Variants in DENND6A observed in about 807,000 individuals in gnomAD.
DENND6A encodes protein DENND6A.
A neutral mutation model predicts 95.5 loss-of-function variants in DENND6A; 43 were observed. That is an observed-to-expected ratio of 0.45 (90% CI 0.35 to 0.58). The LOEUF (loss-of-function observed/expected upper bound fraction) is 0.58, where lower values mean the gene tolerates loss of function less well. Ranked by LOEUF, DENND6A falls within the 20% of genes least tolerant of loss-of-function variation. The pLI, the probability that DENND6A is intolerant of heterozygous loss-of-function variation, is 0.00. For synonymous variants in DENND6A, 257 were observed against 260.4 expected, an observed-to-expected ratio of 0.99 and a Z score of 0.13; for missense variants, 574 against 736.0, an observed-to-expected ratio of 0.78 and a Z score of 2.55.
intron 3 of DENND6A, among the ~76,000 whole-genome samples, chr3:57,668,078 A>T (rs967977659): frequency 6.6e-6 from 1 of 152,056 alleles, no homozygotes; most frequent in Non-Finnish European, 1.5e-5. Flanking sequence ...AAAAAAAATT[A>T]GACTTTTATT....
Position 57,627,613 on chromosome 3 carries a change from C to T in DENND6A, c.*601G>A, listed in dbSNP as rs2070560413. 1 of 152,170 alleles carries T rather than the reference C, an allele frequency of 6.6e-6. No homozygotes were observed. The highest frequency in any genetic ancestry group is 6.6e-5 in the Admixed American group (1 of 15,254). The allele number at this position is 152,170 out of a possible 1,614,324, so 9.4% of individuals were successfully genotyped here. A position where few individuals can be genotyped will look rare whatever the true frequency, so the allele number is the denominator to read the frequency against. On this transcript the variant is annotated 3_prime_UTR_variant, in exon 20 of 20. Transcript: ENST00000311128. Reference sequence around the variant, plus strand: ...AACCCATCATGTCTATTAATAAACACAATGGGTAGCAAGAAACTTTTTTTT... The same window carrying T: ...AACCCATCATGTCTATTAATAAACATAATGGGTAGCAAGAAACTTTTTTTT...
chr3:57,643,209 T>C (rs555072533), intron 11 of DENND6A, among the ~76,000 whole-genome samples: 73 of 152,212 alleles, frequency 4.8e-4, no homozygotes, highest in African/African-American at 1.8e-3. Context: ...TAAAATTTAA[T>C]GTGGGGCATG....
chr3:57,628,749 CAT>C lies in DENND6A; in HGVS notation c.1695+60_1695+61del. 5.2e-6 allele frequency: 8 copies of C among 1,529,964 alleles called. No individual in the cohort carries two copies. In the African/African-American group the frequency reaches 6.9e-5, roughly 13 times the overall value. The allele number at this position is 1,529,964 out of a possible 1,614,324, so 94.8% of individuals were successfully genotyped here. A position where few individuals can be genotyped will look rare whatever the true frequency, so the allele number is the denominator to read the frequency against. ...CGAACTATCATGGGTTGTCAGCTCACATGAGAGGACAATGTCTTCAAAGAAAA... is the reference window on the plus strand; with the variant it reads ...CGAACTATCATGGGTTGTCAGCTCACGAGAGGACAATGTCTTCAAAGAAAA... On this transcript the variant is annotated intron_variant, in intron 19 of 19. Coordinates refer to ENST00000311128, the MANE Select transcript of DENND6A (RefSeq NM_152678.3).
intron 15 of DENND6A, among the ~76,000 whole-genome samples, chr3:57,631,867 C>T (rs1197102669): frequency 1.3e-5 from 2 of 149,830 alleles, no homozygotes; most frequent in Admixed American, 6.7e-5. Flanking sequence ...GGATTACAGG[C>T]GCCCACCACC....
intron 18 of DENND6A, among the ~76,000 whole-genome samples, chr3:57,630,188 T>G (rs1450444003): frequency 6.6e-6 from 1 of 152,150 alleles, no homozygotes; most frequent in East Asian, 1.9e-4. Flanking sequence ...GCCAAAAGTT[T>G]CCCATGATGC....
Position 57,693,075 on chromosome 3 carries a change from C to G in DENND6A, c.-57G>C, listed in dbSNP as rs1370521104. ...ACAGCGGACCGCGCCGCAGAGCGCG[C>G]TTGCCTCCGCGCAGGCGCAGACGCT... is the stretch of plus-strand genomic sequence containing the variant. On this transcript the variant is annotated 5_prime_UTR_variant, in exon 1 of 20. Transcript: ENST00000311128. The G allele has an allele frequency of 7.6e-7, 1 of 1,312,206 alleles. No homozygotes were observed. The highest frequency in any genetic ancestry group is 9.7e-7 in the Non-Finnish European group (1 of 1,026,444). The allele number at this position is 1,312,206 out of a possible 1,614,324, so 81.3% of individuals were successfully genotyped here. A position where few individuals can be genotyped will look rare whatever the true frequency, so the allele number is the denominator to read the frequency against.
chr3:57,635,536 A>C (rs2070773214), intron 12 of DENND6A, among the ~76,000 whole-genome samples: 1 of 152,188 alleles, frequency 6.6e-6, no homozygotes, highest in South Asian at 2.1e-4. Flanking sequence ...AAAAGAACCT[A>C]AGAACTGAAA....
intron 3 of DENND6A, among the ~76,000 whole-genome samples, chr3:57,667,547 A>G (rs2071543659): frequency 6.6e-6 from 1 of 152,200 alleles, no homozygotes; most frequent in Non-Finnish European, 1.5e-5. Context: ...TTCAAGAGCC[A>G]GCCCCCTCCC....
At chr3:57,671,694 G>C (rs79021618) in intron 3 of DENND6A, among the ~76,000 whole-genome samples, 1 of 152,160 alleles carries the variant, frequency 6.6e-6, no homozygotes, top group Non-Finnish European at 1.5e-5. Flanking sequence ...GGATGTCAAC[G>C]ATTAGGACCA....
intron 3 of DENND6A, among the ~76,000 whole-genome samples, chr3:57,667,552 C>G (rs2071543748): frequency 6.6e-6 from 1 of 152,104 alleles, no homozygotes; most frequent in African/African-American, 2.4e-5. Context: ...GAGCCAGCCC[C>G]CTCCCTTGAC....
intron 19 of DENND6A, 68 bp downstream of exon 19, chr3:57,628,743 A>G: frequency 6.7e-7 from 1 of 1,491,204 alleles, no homozygotes; most frequent in Non-Finnish European, 9.2e-7. Context: ...ATGGGTTGTC[A>G]GCTCACATGA....
intron 1 of DENND6A, chr3:57,679,422 A>G (rs1304352220): frequency 3.1e-5 from 26 of 835,850 alleles, no homozygotes; most frequent in Non-Finnish European, 3.7e-5. Context: ...TCTTCCTATC[A>G]TCTCTTCTTC....
chr3:57,640,445 TAGC>T (rs2070904094), intron 12 of DENND6A, among the ~76,000 whole-genome samples: 1 of 151,200 alleles, frequency 6.6e-6, no homozygotes, highest in Admixed American at 6.6e-5. Flanking sequence ...ATACAAAAAT[TAGC>T]CGGGCAAGGA....
chr3:57,674,591 T>C (rs1298108294), intron 1 of DENND6A, among the ~76,000 whole-genome samples: 2 of 152,140 alleles, frequency 1.3e-5, no homozygotes, highest in Non-Finnish European at 2.9e-5. Context: ...GGGCCCAAGA[T>C]CGTGCCACTG....
intron 9 of DENND6A, among the ~76,000 whole-genome samples, chr3:57,651,730 A>G (rs75204503): frequency 0.023 from 3,548 of 152,274 alleles, 133 homozygotes; most frequent in African/African-American, 0.08. Context: ...CACACCAGAA[A>G]GCAAGACAGT....
chr3:57,679,737 A>T (rs1465101637), intron 1 of DENND6A: 1 of 190,490 alleles, frequency 5.2e-6, no homozygotes, highest in Non-Finnish European at 9.7e-6. Context: ...TGAAGAAGTA[A>T]GGAGAGAGAA....
intron 1 of DENND6A, among the ~76,000 whole-genome samples, chr3:57,687,539 G>T (rs539876624): frequency 6.6e-6 from 1 of 152,132 alleles, no homozygotes; most frequent in Non-Finnish European, 1.5e-5. Context: ...ACTAAATAAC[G>T]GATTTTCATT....
intron 12 of DENND6A, among the ~76,000 whole-genome samples, chr3:57,638,790 T>G (rs866594638): frequency 1.3e-5 from 2 of 151,816 alleles, no homozygotes; most frequent in Non-Finnish European, 2.9e-5. Context: ...CCCATTAGGA[T>G]GGTTACTATC....
chr3:57,655,096 C>T (rs1260838019), intron 9 of DENND6A, among the ~76,000 whole-genome samples: 2 of 151,378 alleles, frequency 1.3e-5, no homozygotes, highest in African/African-American at 2.4e-5. Context: ...TGCAGTGGCA[C>T]GATCTCAGCT....
Sources: allele counts gnomAD v4.1 joint callset (sites outside exome capture counted in the v4.1 genomes callset), GRCh38; gene constraint gnomAD v4.1.1; transcripts MANE v1.5; gene names NCBI Gene and HGNC (gene_info 2026-07-23, HGNC 2026-07-21).